The following TSPAN18 variants were observed in gnomAD, a reference collection of about 807,000 sequenced individuals.
The protein encoded by TSPAN18 is tetraspanin-18.
In TSPAN18, 14 loss-of-function variants were observed where a neutral mutation model predicts 27.3. The ratio of observed to expected loss-of-function variants is 0.51; its 90% confidence interval spans 0.34 to 0.80. The LOEUF (loss-of-function observed/expected upper bound fraction) is 0.80. TSPAN18 is among the 30% of genes least tolerant of loss of function. TSPAN18 has a pLI of 0.01. For synonymous variants in TSPAN18, 143 were observed against 136.5 expected, an observed-to-expected ratio of 1.05 and a Z score of -0.33; for missense variants, 268 against 323.9, an observed-to-expected ratio of 0.83 and a Z score of 1.32.
intron 1 of TSPAN18, among the ~76,000 whole-genome samples, chr11:44,740,288 A>G (rs1388474819): frequency 6.6e-6 from 1 of 152,212 alleles, no homozygotes; most frequent in Admixed American, 6.5e-5. Flanking sequence ...GTGGGTCAGG[A>G]CAGAGGGCAT....
At chr11:44,912,478 A>G (rs1859758422) in intron 5 of TSPAN18, among the ~76,000 whole-genome samples, 2 of 152,026 alleles carry the variant, frequency 1.3e-5, no homozygotes, top group African/African-American at 2.4e-5. Context: ...AGTGTGGGTC[A>G]GAGGCAAAGG....
At chr11:44,872,813 A>T (rs376184400) in intron 3 of TSPAN18, among the ~76,000 whole-genome samples, 2 of 152,320 alleles carry the variant, frequency 1.3e-5, no homozygotes, top group East Asian at 3.9e-4. Context: ...GCACACAGTT[A>T]AATAATATTA....
At chr11:44,772,635 G>A (rs1327470865) in intron 2 of TSPAN18, among the ~76,000 whole-genome samples, 1 of 152,096 alleles carries the variant, frequency 6.6e-6, no homozygotes, top group South Asian at 2.1e-4. Flanking sequence ...GGGAGTTTCT[G>A]TATTATTTTG....
intron 2 of TSPAN18, among the ~76,000 whole-genome samples, chr11:44,807,942 G>T (rs1004192927): frequency 2.0e-5 from 3 of 152,202 alleles, no homozygotes; most frequent in Admixed American, 2.0e-4. Context: ...GTAGAGGACC[G>T]TGTAGGGGTG....
intron 2 of TSPAN18, among the ~76,000 whole-genome samples, chr11:44,820,666 C>T (rs546865863): frequency 5.9e-5 from 9 of 152,034 alleles, no homozygotes; most frequent in East Asian, 1.9e-4. Context: ...TTTGTCCCCC[C>T]GCCCCCAATC....
intron 2 of TSPAN18, among the ~76,000 whole-genome samples, chr11:44,788,397 G>A (rs1385884891): frequency 3.3e-5 from 5 of 151,860 alleles, no homozygotes; most frequent in Admixed American, 2.0e-4. Flanking sequence ...AGAGGCACAC[G>A]TGACTAGTGG....
intron 1 of TSPAN18, chr11:44,736,443 T>C (rs1034897058): frequency 2.6e-5 from 4 of 152,282 alleles, no homozygotes; most frequent in African/African-American, 9.6e-5. Flanking sequence ...TCCTCGCAAG[T>C]TGAGAATATC....
chr11:44,751,599 T>C (rs943317280), intron 1 of TSPAN18, among the ~76,000 whole-genome samples: 1 of 152,108 alleles, frequency 6.6e-6, no homozygotes, highest in Non-Finnish European at 1.5e-5. Context: ...TAAATAATAA[T>C]GTTTATCACT....
At chr11:44,739,377 C>G (rs904265358) in intron 1 of TSPAN18, among the ~76,000 whole-genome samples, 1 of 152,164 alleles carries the variant, frequency 6.6e-6, no homozygotes, top group African/African-American at 2.4e-5. Flanking sequence ...AATCCCAGCA[C>G]TTTGGGAGGC....
intron 2 of TSPAN18, among the ~76,000 whole-genome samples, chr11:44,854,495 CT>C (rs1857686101): frequency 6.6e-6 from 1 of 152,228 alleles, no homozygotes; most frequent in Admixed American, 6.5e-5. Context: ...TCACTGCAAA[CT>C]TTGCCACCAG....
At chr11:44,878,145 C>T (rs1418808186) in intron 3 of TSPAN18, among the ~76,000 whole-genome samples, 1 of 152,114 alleles carries the variant, frequency 6.6e-6, no homozygotes, top group African/African-American at 2.4e-5. Context: ...CCCCTTCCCC[C>T]AGCTCCACCC....
At chr11:44,877,040 G>A (rs1314976357) in intron 3 of TSPAN18, among the ~76,000 whole-genome samples, 1 of 152,254 alleles carries the variant, frequency 6.6e-6, no homozygotes, top group Non-Finnish European at 1.5e-5. Context: ...CGCCTCTGAG[G>A]AAAGGAGGCC....
intron 1 of TSPAN18, among the ~76,000 whole-genome samples, chr11:44,752,926 C>T (rs1162522380): frequency 6.6e-6 from 1 of 152,134 alleles, no homozygotes; most frequent in Non-Finnish European, 1.5e-5. Context: ...AGTTACATTC[C>T]TCTAGAATCC....
intron 3 of TSPAN18, among the ~76,000 whole-genome samples, chr11:44,899,467 C>G (rs1859179658): frequency 6.6e-6 from 1 of 152,210 alleles, no homozygotes; most frequent in African/African-American, 2.4e-5. Flanking sequence ...CCATTGAACA[C>G]AGTCACTCTC....
At chr11:44,776,694 A>G (rs572464833) in intron 2 of TSPAN18, among the ~76,000 whole-genome samples, 1 of 152,144 alleles carries the variant, frequency 6.6e-6, no homozygotes, top group East Asian at 1.9e-4. Flanking sequence ...CCGTGTGACT[A>G]CAGTCTGGGC....
At chr11:44,908,166 C>T (rs1050423429) in intron 4 of TSPAN18, among the ~76,000 whole-genome samples, 1 of 152,060 alleles carries the variant, frequency 6.6e-6, no homozygotes, top group Non-Finnish European at 1.5e-5. Context: ...CTGGGTCCTT[C>T]AGGCCTCTCC....
At chr11:44,812,147 A>G (rs776568187) in intron 2 of TSPAN18, among the ~76,000 whole-genome samples, 1 of 152,336 alleles carries the variant, frequency 6.6e-6, no homozygotes, top group Non-Finnish European at 1.5e-5. Flanking sequence ...ACAGCCAGGC[A>G]GGTCTAACCA....
intron 9 of TSPAN18, 65 bp downstream of exon 9, chr11:44,926,822 C>A: frequency 3.9e-6 from 6 of 1,536,006 alleles, no homozygotes; most frequent in East Asian, 2.2e-5. Context: ...CTAGGCAGAT[C>A]CCCCCAGCCT....
intron 2 of TSPAN18, among the ~76,000 whole-genome samples, chr11:44,857,393 G>A (rs1437682757): frequency 6.6e-6 from 1 of 152,248 alleles, no homozygotes; most frequent in East Asian, 1.9e-4. Context: ...TAGAATGCAA[G>A]TCGGGCTGTG....
Sources: gnomAD v4.1 joint callset for allele counts (sites outside exome capture counted in the v4.1 genomes callset) on GRCh38, gnomAD v4.1.1 for gene constraint, MANE v1.5 for transcripts, NCBI Gene and HGNC (gene_info 2026-07-23, HGNC 2026-07-21) for gene names.